Variants in CPNE1 observed in about 807,000 individuals in gnomAD.
CPNE1 encodes the protein copine 1, also known as copine-1.
Under a neutral mutation model 63.2 loss-of-function variants are expected in CPNE1, and 58 were observed. That is an observed-to-expected ratio of 0.92 (90% CI 0.74 to 1.14). The LOEUF (loss-of-function observed/expected upper bound fraction) is 1.14. CPNE1 is among the 50% of genes most tolerant of loss of function. CPNE1 has a pLI of 0.00. For missense variants in CPNE1, 672 were observed against 661.7 expected (o/e 1.02, Z -0.17); for synonymous variants, 237 against 249.0 (o/e 0.95, Z 0.45).
chr20:35,632,859 A>G lies in CPNE1; in HGVS notation c.65T>C (p.Ile22Thr). The G allele has an allele frequency of 1.1e-6, 1 of 872,974 alleles. No homozygotes were observed. Among genetic ancestry groups the G allele is most frequent in the South Asian group, 1.3e-5 (1 of 76,546 alleles). The allele number at this position is 872,974 out of a possible 1,614,324, so 54.1% of individuals were successfully genotyped here. The part of the protein sequence containing the change: ...ISCDHLIDKD[I>T]GSKSDPLCVL... ...GCAGAGTGGGTCAGACTTGGAGCCGATGTCCTTGTCAATGAGATGGTCACA... is the reference window on the plus strand; with the variant it reads ...GCAGAGTGGGTCAGACTTGGAGCCGGTGTCCTTGTCAATGAGATGGTCACA... The change falls in exon 2 of 16, where the codon ATC becomes ACC. Residue 22 changes from isoleucine (I) to threonine (T), a missense_variant. Ile to Thr is a moderately conservative substitution (Grantham distance 89, BLOSUM62 -1). Transcript: ENST00000397443.
chr20:35,634,129 C>T (rs1245609886), intron 1 of CPNE1, among the ~76,000 whole-genome samples: 10 of 150,104 alleles, frequency 6.7e-5, no homozygotes, highest in South Asian at 2.1e-4. Flanking sequence ...GGTGTGGTGG[C>T]GGGCGCCTGT....
Position 35,632,632 on chromosome 20 carries a change from T to A in CPNE1, c.194A>T (p.Glu65Val). The A allele has an allele frequency of 6.6e-7, 1 of 1,524,476 alleles. No homozygotes were observed. Among genetic ancestry groups the A allele is most frequent in the Non-Finnish European group, 9.1e-7 (1 of 1,098,168 alleles). 94.4% of individuals were successfully genotyped at this position (1,524,476 alleles called of 1,614,324 possible). Residue 65 changes from glutamate (E) to valine (V), a missense_variant, in exon 3 of 16, where the codon GAG becomes GTG. Coordinates refer to ENST00000397443, the MANE Select transcript of CPNE1 (RefSeq NM_152925.3). Reference protein sequence around the residue: ...SPEFSKTLQLEYRFETVQKLR... With the variant: ...SPEFSKTLQLVYRFETVQKLR... ...CTTCTGGACTGTCTCAAAGCGGTAC[T>A]CAAGCTGTAGAGTCTTGGAGAACTC...
At chr20:35,632,973 C>T in intron 1 of CPNE1, 50 bp from the exon 2 acceptor site, 1 of 841,240 alleles carries the variant, frequency 1.2e-6, no homozygotes, top group South Asian at 1.4e-5. Context: ...CTCTCCCCTT[C>T]CCCGACTACA....
intron 1 of CPNE1, chr20:35,652,506 A>G: frequency 6.3e-7 from 1 of 1,597,506 alleles, no homozygotes; most frequent in Non-Finnish European, 8.5e-7. Context: ...TCTACCCTAT[A>G]AAAAATGATG....
intron 1 of CPNE1, chr20:35,652,687 T>G (rs1446723854): frequency 6.2e-7 from 1 of 1,614,016 alleles, no homozygotes. Context: ...GATTACTTGA[T>G]AGCCATAAAA....
intron 14 of CPNE1, 93 bp downstream of exon 14, chr20:35,627,187 C>CACAAA: frequency 1.9e-6 from 1 of 534,078 alleles, no homozygotes; most frequent in Admixed American, 6.4e-5. Flanking sequence ...GAGTCCATCT[C>CACAAA]AAAAAAAAAA....
intron 1 of CPNE1, chr20:35,654,558 T>C (rs760811574): frequency 1.4e-5 from 23 of 1,614,076 alleles, no homozygotes; most frequent in South Asian, 2.2e-5. Flanking sequence ...TTCCAGCAGG[T>C]AGAGGTGCCA....
intron 1 of CPNE1, chr20:35,659,061 AAAC>A: frequency 1.4e-6 from 1 of 714,698 alleles, no homozygotes; most frequent in African/African-American, 1.8e-5. Flanking sequence ...AGGAAACACA[AAAC>A]AACACGCACA....
chr20:35,631,068 C>T (rs2032097199), intron 10 of CPNE1, 34 bp from the exon 11 acceptor site: 1 of 1,614,046 alleles, frequency 6.2e-7, no homozygotes, highest in African/African-American at 1.3e-5. Flanking sequence ...CTAAAGGCCA[C>T]CCTGAGCCCC....
intron 1 of CPNE1, among the ~76,000 whole-genome samples, chr20:35,636,758 A>T (rs920350490): frequency 6.6e-6 from 1 of 152,158 alleles, no homozygotes; most frequent in African/African-American, 2.4e-5. Flanking sequence ...GGCACTGTAC[A>T]CAAGACTCCA....
chr20:35,645,631 T>C (rs2033055611), intron 1 of CPNE1, among the ~76,000 whole-genome samples: 1 of 152,260 alleles, frequency 6.6e-6, no homozygotes, highest in Non-Finnish European at 1.5e-5. Flanking sequence ...TCTTAAAAGC[T>C]TGAAGGTGAC....
At chr20:35,632,051 A>G in intron 5 of CPNE1, 26 bp from the exon 6 acceptor site, 1 of 1,612,134 alleles carries the variant, frequency 6.2e-7, no homozygotes, top group Non-Finnish European at 8.5e-7. Context: ...CCCAGTTACA[A>G]GACTCAGGAA....
intron 1 of CPNE1, chr20:35,647,573 G>A (rs1482283246): frequency 6.6e-6 from 1 of 152,060 alleles, no homozygotes; most frequent in East Asian, 1.9e-4. Flanking sequence ...AAATGTTTAT[G>A]TCAGGTGGCT....
chr20:35,641,347 C>A (rs1042701215), intron 1 of CPNE1, among the ~76,000 whole-genome samples: 7 of 152,174 alleles, frequency 4.6e-5, no homozygotes, highest in Non-Finnish European at 1.0e-4. Flanking sequence ...CTTTGAAAAG[C>A]CCCCCTTTTT....
rs113680605 is a variant in CPNE1, at chr20:35,631,035, C to G, written c.862-1G>C. On this transcript the variant is annotated splice_acceptor_variant, in intron 10 of 15. Coordinates refer to ENST00000397443, the MANE Select transcript of CPNE1 (RefSeq NM_152925.3). LOFTEE classifies it high-confidence loss of function. ...TGGAGCCAGTGAAGTCCACGCCCAC[C>G]TGGGAGGAGGTGAGGAAGGCAGCTA... 4.3e-6 allele frequency: 7 copies of G among 1,613,960 alleles called. No individual in the cohort carries two copies. The highest frequency in any genetic ancestry group is 5.9e-6 in the Non-Finnish European group (7 of 1,179,974).
rs1194854231 is a variant in CPNE1, at chr20:35,632,699, G to A, written c.130-3C>T. 1 of 945,816 alleles carries A rather than the reference G, an allele frequency of 1.1e-6. No homozygotes were observed. Among genetic ancestry groups the A allele is most frequent in the African/African-American group, 1.6e-5 (1 of 62,538 alleles). 58.6% of individuals were successfully genotyped at this position (945,816 alleles called of 1,614,324 possible). A position where few individuals can be genotyped will look rare whatever the true frequency, so the allele number is the denominator to read the frequency against. ...CGCACCCGTTCAGTCCGGCCAAGCTGTGGGCAGAGGCCAGTAAGCATCACA... is the reference window on the plus strand; with the variant it reads ...CGCACCCGTTCAGTCCGGCCAAGCTATGGGCAGAGGCCAGTAAGCATCACA... On this transcript the variant is annotated splice_region_variant and splice_polypyrimidine_tract_variant and intron_variant, in intron 2 of 15. Coordinates refer to ENST00000397443, the MANE Select transcript of CPNE1 (RefSeq NM_152925.3).
At position 35,630,955 on chromosome 20, in the gene CPNE1, T is replaced by G; in HGVS notation, c.941A>C (p.Asn314Thr). Residue 314 changes from asparagine to threonine, a missense_variant, in exon 11 of 16, where the codon AAT becomes ACT. Transcript: ENST00000397443. ...ACTCCACAGTGCCATCAGGTACTCA[T>G]TGACCCCTGTTGGACTCAGGTAGTG... ...SLHYLSPTGV[N>T]EYLMALWSVG... 6.2e-7 allele frequency: 1 copy of G among 1,613,958 alleles called. No individual in the cohort carries two copies. The highest frequency in any genetic ancestry group is 8.5e-7 in the Non-Finnish European group (1 of 1,179,906).
At position 35,626,763 on chromosome 20, in the gene CPNE1, G is replaced by A. The variant is rs200157036; in HGVS notation, c.1277C>T (p.Thr426Met). ...AGCCTCACGTGTGGCTTCCACATCC[G>A]TCACAGCACCATCAGTCAGCAGCAA... The part of the protein sequence containing the change: ...MLLLLTDGAV[T>M]DVEATREAVV... Residue 426 changes from threonine to methionine, a missense_variant, in exon 15 of 16, where the codon ACG becomes ATG. By Grantham distance (81) the Thr-to-Met change is moderately conservative (BLOSUM62 -1). Coordinates refer to ENST00000397443, the MANE Select transcript of CPNE1 (RefSeq NM_152925.3). 1.4e-5 allele frequency: 22 copies of A among 1,614,102 alleles called. No individual in the cohort carries two copies. Among genetic ancestry groups the A allele is most frequent in the Middle Eastern group, 3.3e-4 (2 of 6,062 alleles).
At chr20:35,654,635 G>T in intron 1 of CPNE1, 2 of 1,614,172 alleles carry the variant, frequency 1.2e-6, no homozygotes, top group Non-Finnish European at 1.7e-6. Flanking sequence ...GGCACAGAAG[G>T]AACTGGGGGA....
Sources: allele counts gnomAD v4.1 joint callset (sites outside exome capture counted in the v4.1 genomes callset), GRCh38; gene constraint gnomAD v4.1.1; transcripts MANE v1.5; gene names NCBI Gene and HGNC (gene_info 2026-07-23, HGNC 2026-07-21).